Variants in CSMD1 observed in about 807,000 individuals in gnomAD.
CSMD1 encodes the protein CUB and Sushi multiple domains 1.
Under a neutral mutation model 417.5 loss-of-function variants are expected in CSMD1, and 213 were observed. That is an observed-to-expected ratio of 0.51 (90% CI 0.46 to 0.57). The LOEUF (loss-of-function observed/expected upper bound fraction) is 0.57. Ranked by LOEUF, CSMD1 falls within the 20% of genes least tolerant of loss-of-function variation. The probability of loss-of-function intolerance (pLI) is 0.00; values close to 1 mark genes in which losing one functional copy is unlikely to be tolerated. For synonymous variants in CSMD1, 2,862 were observed against 1,736.8 expected, an observed-to-expected ratio of 1.65 and a Z score of -16.11; for missense variants, 6,923 against 4,529.7, an observed-to-expected ratio of 1.53 and a Z score of -15.17.
chr8:4,020,474 C>A, intron 4 of CSMD1, among the ~76,000 whole-genome samples: 1 of 152,242 alleles, frequency 6.6e-6, no homozygotes, highest in South Asian at 2.1e-4. Context: ...TATGTGACCG[C>A]TAGGGTCAGG....
In CSMD1 at chr8:3,190,114, A is replaced by G; in HGVS notation, c.5196T>C (p.Ala1732=). ...SARGFHFVYQ[A]VPRTSDTQCS... ...ATTGGGTGTCACTGGTACGAGGAAC[A>G]GCTAGAAGCAAAGTACAGAACACAG... The change falls in exon 34 of 70, where the codon GCT becomes GCC. Residue 1732 remains alanine, a splice_region_variant and synonymous_variant. Coordinates refer to ENST00000635120, the MANE Select transcript of CSMD1 (RefSeq NM_033225.6). The G allele has an allele frequency of 6.3e-7, 1 of 1,582,070 alleles. No individual in the cohort carries two copies. Among genetic ancestry groups the G allele is most frequent in the Admixed American group, 1.8e-5 (1 of 54,848 alleles).
chr8:4,022,412 G>C (rs1332543195), intron 4 of CSMD1, among the ~76,000 whole-genome samples: 1 of 152,068 alleles, frequency 6.6e-6, no homozygotes, highest in East Asian at 1.9e-4. Context: ...TCTATGTACA[G>C]TTTGTACTTA....
At chr8:3,737,150 C>A (rs1796562222) in intron 6 of CSMD1, among the ~76,000 whole-genome samples, 1 of 152,190 alleles carries the variant, frequency 6.6e-6, no homozygotes, top group African/African-American at 2.4e-5. Flanking sequence ...GGAACAGAGA[C>A]AATTAGTTTA....
chr8:3,575,519 G>A (rs1490129231), intron 9 of CSMD1, among the ~76,000 whole-genome samples: 1 of 152,120 alleles, frequency 6.6e-6, no homozygotes, highest in Non-Finnish European at 1.5e-5. Context: ...TCTCAGCTAC[G>A]TCTTACACTG....
At chr8:4,703,615 T>G (rs1211599005) in intron 1 of CSMD1, among the ~76,000 whole-genome samples, 1 of 152,200 alleles carries the variant, frequency 6.6e-6, no homozygotes, top group Non-Finnish European at 1.5e-5. Context: ...TATTTCAATT[T>G]TTCCCAAACT....
intron 49 of CSMD1, among the ~76,000 whole-genome samples, chr8:3,068,876 T>C (rs1813134873): frequency 1.3e-5 from 2 of 151,962 alleles, no homozygotes. Context: ...CAGGGACAAA[T>C]ATCCAAACTA....
chr8:4,050,278 AAGGG>A (rs1354680443), intron 3 of CSMD1, among the ~76,000 whole-genome samples: 1 of 152,092 alleles, frequency 6.6e-6, no homozygotes, highest in Non-Finnish European at 1.5e-5. Flanking sequence ...TACTCTTTGG[AAGGG>A]AGGAACTATG....
chr8:3,617,117 A>C (rs548542021), intron 7 of CSMD1, among the ~76,000 whole-genome samples: 1 of 152,302 alleles, frequency 6.6e-6, no homozygotes, highest in East Asian at 1.9e-4. Context: ...CATGATCAGA[A>C]AAACAGCATT....
At chr8:3,410,611 C>G (rs1326384744) in intron 12 of CSMD1, among the ~76,000 whole-genome samples, 1 of 152,158 alleles carries the variant, frequency 6.6e-6, no homozygotes, top group Non-Finnish European at 1.5e-5. Context: ...TGAGGCCTCT[C>G]CAGCCATGTG....
At position 4,434,730 on chromosome 8, in the gene CSMD1, G is replaced by A. The variant is rs192967170; in HGVS notation, c.303-14665C>T. Among the ~76,000 whole-genome samples, 39 of 152,192 alleles carry A rather than the reference G, an allele frequency of 2.6e-4. No individual in the cohort carries two copies. The East Asian group carries it at 6.8e-3, about 26-fold the overall frequency. ...TTCATGCCCCTGACAGTGCTCATCC[G>A]GTGATTTTGGGACTTAGCTCTTAGA... On this transcript the variant is annotated intron_variant, in intron 2 of 69. Coordinates refer to ENST00000635120, the MANE Select transcript of CSMD1 (RefSeq NM_033225.6).
chr8:4,816,839 A>G (rs1799235260), intron 1 of CSMD1, among the ~76,000 whole-genome samples: 1 of 152,154 alleles, frequency 6.6e-6, no homozygotes, highest in South Asian at 2.1e-4. Flanking sequence ...TTGGCAATTA[A>G]TGGTATACAG....
intron 25 of CSMD1, 96 bp from the exon 26 acceptor site, chr8:3,284,442 AC>A (rs1215655320): frequency 1.2e-6 from 1 of 844,600 alleles, no homozygotes. Context: ...CTTTCACACA[AC>A]CCCCACCAAC....
intron 3 of CSMD1, among the ~76,000 whole-genome samples, chr8:4,128,714 A>C (rs1209724987): frequency 6.6e-6 from 1 of 151,982 alleles, no homozygotes; most frequent in Non-Finnish European, 1.5e-5. Flanking sequence ...CTGTCCACTC[A>C]TCCTTGCTGG....
chr8:4,427,095 T>C (rs1797603604), intron 2 of CSMD1, among the ~76,000 whole-genome samples: 1 of 152,062 alleles, frequency 6.6e-6, no homozygotes, highest in Non-Finnish European at 1.5e-5. Context: ...TGGCTGTGGC[T>C]CCTGGGAGGT....
intron 3 of CSMD1, among the ~76,000 whole-genome samples, chr8:4,361,998 C>T (rs1056088625): frequency 6.6e-6 from 1 of 151,314 alleles, no homozygotes; most frequent in Non-Finnish European, 1.5e-5. Flanking sequence ...ATAAAGTTTC[C>T]TATCCTTAGA....
At chr8:4,773,727 A>G (rs17347502) in intron 1 of CSMD1, among the ~76,000 whole-genome samples, 52,813 of 151,966 alleles carry the variant, frequency 0.35, 9,737 homozygotes, top group Admixed American at 0.49. Flanking sequence ...TATGATGAAC[A>G]TTACCCATTT....
chr8:4,118,943 G>A (rs529956010), intron 3 of CSMD1, among the ~76,000 whole-genome samples: 1 of 152,134 alleles, frequency 6.6e-6, no homozygotes, highest in African/African-American at 2.4e-5. Flanking sequence ...CCTTTGGGGG[G>A]ACATGGGTGA....
At chr8:4,041,053 G>A (rs371887644) in intron 3 of CSMD1, among the ~76,000 whole-genome samples, 2 of 117,626 alleles carry the variant, frequency 1.7e-5, no homozygotes, top group East Asian at 2.5e-4. Context: ...GTCTCGCTCT[G>A]TCGCCCAGGC....
intron 68 of CSMD1, among the ~76,000 whole-genome samples, chr8:2,946,743 G>A (rs1316227610): frequency 6.6e-6 from 1 of 152,054 alleles, no homozygotes; most frequent in Non-Finnish European, 1.5e-5. Flanking sequence ...AGTTCTTTTG[G>A]CTACCCATGT....
Sources: allele counts gnomAD v4.1 joint callset (sites outside exome capture counted in the v4.1 genomes callset), GRCh38; gene constraint gnomAD v4.1.1; transcripts MANE v1.5; gene names NCBI Gene and HGNC (gene_info 2026-07-23, HGNC 2026-07-21).